Variants in ATRNL1 observed in about 807,000 individuals in gnomAD.
ATRNL1 encodes attractin like 1.
Under a neutral mutation model 182.7 loss-of-function variants are expected in ATRNL1, and 95 were observed. The ratio of observed to expected loss-of-function variants is 0.52; its 90% confidence interval spans 0.44 to 0.62. The LOEUF is 0.62. Ranked by LOEUF, ATRNL1 falls within the 20% of genes least tolerant of loss-of-function variation. ATRNL1 has a pLI of 0.00. For synonymous variants in ATRNL1, 576 were observed against 568.3 expected (o/e 1.01, Z -0.19); for missense variants, 1,471 against 1,679.5 (o/e 0.88, Z 2.17).
chr10:115,849,144 A>G (rs979370186), intron 28 of ATRNL1, among the ~76,000 whole-genome samples: 11 of 152,180 alleles, frequency 7.2e-5, no homozygotes, highest in African/African-American at 2.7e-4. Flanking sequence ...GTACCTGATG[A>G]TATCTTATTG....
chr10:115,874,972 G>T (rs1317143220), intron 28 of ATRNL1, among the ~76,000 whole-genome samples: 1 of 152,154 alleles, frequency 6.6e-6, no homozygotes, highest in African/African-American at 2.4e-5. Context: ...AGCTGTTAAA[G>T]AGTGGGATCA....
chr10:115,472,152 G>C (rs1848336749), intron 24 of ATRNL1, among the ~76,000 whole-genome samples: 1 of 150,820 alleles, frequency 6.6e-6, no homozygotes, highest in South Asian at 2.1e-4. Flanking sequence ...AAGATCAGTT[G>C]ACGCTGTCTA....
At chr10:115,772,597 CTGTGTGTGTGTGTG>C (rs57939999) in intron 27 of ATRNL1, among the ~76,000 whole-genome samples, 1 of 140,348 alleles carries the variant, frequency 7.1e-6, no homozygotes, top group Non-Finnish European at 1.5e-5. Flanking sequence ...TATACTCTGT[CTGTGTGTGTGTGTG>C]TGTGTGTGTG....
chr10:115,462,263 A>G (rs552583436), intron 22 of ATRNL1, among the ~76,000 whole-genome samples: 1 of 152,216 alleles, frequency 6.6e-6, no homozygotes, highest in Admixed American at 6.6e-5. Flanking sequence ...GTCACCTTAT[A>G]TATCTTGTGA....
At chr10:115,225,288 G>T (rs782248514) in intron 9 of ATRNL1, among the ~76,000 whole-genome samples, 5 of 151,564 alleles carry the variant, frequency 3.3e-5, no homozygotes, top group Admixed American at 3.3e-4. Context: ...AACCTCTGGT[G>T]AACTAGGAAT....
chr10:115,311,517 T>G (rs1854024520), intron 17 of ATRNL1, among the ~76,000 whole-genome samples: 1 of 152,078 alleles, frequency 6.6e-6, no homozygotes, highest in Admixed American at 6.6e-5. Flanking sequence ...TATTGAGACT[T>G]GTTTTGTGGC....
At chr10:115,869,187 G>A (rs1397333177) in intron 28 of ATRNL1, among the ~76,000 whole-genome samples, 6 of 152,248 alleles carry the variant, frequency 3.9e-5, no homozygotes, top group Admixed American at 2.6e-4. Flanking sequence ...AAGCTACCAG[G>A]ACACACAACG....
intron 1 of ATRNL1, among the ~76,000 whole-genome samples, chr10:115,112,273 G>GA (rs1844290937): frequency 6.6e-6 from 1 of 152,048 alleles, no homozygotes; most frequent in Non-Finnish European, 1.5e-5. Flanking sequence ...AATAGAATTA[G>GA]AAAAAAATCC....
chr10:115,486,194 C>T (rs1027011495), intron 24 of ATRNL1, among the ~76,000 whole-genome samples: 25 of 152,102 alleles, frequency 1.6e-4, no homozygotes, highest in African/African-American at 5.1e-4. Flanking sequence ...TGAACAGTGC[C>T]GCAATAAACA....
chr10:115,719,053 C>G (rs1471440172), intron 26 of ATRNL1, among the ~76,000 whole-genome samples: 1 of 152,092 alleles, frequency 6.6e-6, no homozygotes, highest in African/African-American at 2.4e-5. Flanking sequence ...TTGATATGAG[C>G]AAACTATCAC....
At chr10:115,132,939 G>T (rs1179076932) in intron 5 of ATRNL1, among the ~76,000 whole-genome samples, 1 of 152,156 alleles carries the variant, frequency 6.6e-6, no homozygotes, top group Non-Finnish European at 1.5e-5. Flanking sequence ...AGTTTAATTA[G>T]ATCCCATTTG....
Position 115,675,384 on chromosome 10 carries a change from G to T in ATRNL1, c.3796-51864G>T, listed in dbSNP as rs143207750. Reference sequence around the variant, plus strand: ...GACCCTGTCTCTTACAAAAGAAGAAGAAGAAGGAGAAGAAGAACAAGAAGT... The same window carrying T: ...GACCCTGTCTCTTACAAAAGAAGAATAAGAAGGAGAAGAAGAACAAGAAGT... On this transcript the variant is annotated intron_variant, in intron 26 of 28. Transcript: ENST00000355044. 5.2e-3 allele frequency among the ~76,000 whole-genome samples: 794 copies of T among 152,092 alleles called. 7 individuals are homozygous for T. The highest frequency in any genetic ancestry group is 0.018 in the African/African-American group (765 of 41,504).
intron 24 of ATRNL1, among the ~76,000 whole-genome samples, chr10:115,508,907 A>G (rs1850249952): frequency 6.6e-6 from 1 of 152,102 alleles, no homozygotes; most frequent in African/African-American, 2.4e-5. Context: ...GCTTTCTAAA[A>G]GAAGATACCA....
At chr10:115,835,904 C>G (rs577692360) in intron 27 of ATRNL1, among the ~76,000 whole-genome samples, 25 of 152,294 alleles carry the variant, frequency 1.6e-4, no homozygotes. Context: ...CCCACTCAGG[C>G]AGAGGCTGCC....
intron 17 of ATRNL1, among the ~76,000 whole-genome samples, chr10:115,312,694 A>G (rs1407656019): frequency 6.6e-6 from 1 of 152,110 alleles, no homozygotes. Flanking sequence ...TATTCCCTCA[A>G]ATAAGTTTTT....
In ATRNL1 at chr10:115,713,445, G is replaced by GTGTGTGTGTGTGTGTGTGTGTT. The variant is rs1411964351; in HGVS notation, c.3796-13791_3796-13770dup. On this transcript the variant is annotated intron_variant, in intron 26 of 28. Coordinates refer to ENST00000355044, the MANE Select transcript of ATRNL1 (RefSeq NM_207303.4). ...AAAACAAGGAAGAGGGAAAGTGGCT[G>GTGTGTGTGTGTGTGTGTGTGTT]TGTGTGTGTGTGTGTGTGTGTTTGT... Among the ~76,000 whole-genome samples, 27 of 111,114 alleles carry GTGTGTGTGTGTGTGTGTGTGTT rather than the reference G, an allele frequency of 2.4e-4. No individual in the cohort carries two copies. In the Admixed American group the frequency reaches 3.0e-3, roughly 12 times the overall value. 72.9% of individuals were successfully genotyped at this position (111,114 alleles called of 152,430 possible).
intron 26 of ATRNL1, among the ~76,000 whole-genome samples, chr10:115,564,092 A>T (rs1853927990): frequency 6.6e-6 from 1 of 151,980 alleles, no homozygotes; most frequent in South Asian, 2.1e-4. Flanking sequence ...TTATTTTTAA[A>T]TTATTTTGAT....
chr10:115,629,941 G>A (rs1858372045), intron 26 of ATRNL1, among the ~76,000 whole-genome samples: 1 of 152,124 alleles, frequency 6.6e-6, no homozygotes, highest in South Asian at 2.1e-4. Context: ...TAGCTAATAA[G>A]AAGCAGCATG....
chr10:115,802,636 G>A (rs1172186244), intron 27 of ATRNL1, among the ~76,000 whole-genome samples: 2 of 152,062 alleles, frequency 1.3e-5, no homozygotes, highest in Non-Finnish European at 2.9e-5. Flanking sequence ...TTTTAAAATG[G>A]CAATATTTCA....
Sources: gnomAD v4.1 joint callset for allele counts (sites outside exome capture counted in the v4.1 genomes callset) on GRCh38, gnomAD v4.1.1 for gene constraint, MANE v1.5 for transcripts, NCBI Gene and HGNC (gene_info 2026-07-23, HGNC 2026-07-21) for gene names.